NREP: variants seen among roughly 807,000 people sequenced by gnomAD.
The protein encoded by NREP is neuronal regeneration-related protein.
In NREP, 5 loss-of-function variants were observed where a neutral mutation model predicts 8.6. The ratio of observed to expected loss-of-function variants is 0.58; its 90% CI spans 0.30 to 1.22. NREP has a LOEUF of 1.22. Ranked by LOEUF, NREP falls within the 50% of genes most tolerant of loss-of-function variation. The pLI, the probability that NREP is intolerant of heterozygous loss-of-function variation, is 0.07. For missense variants in NREP, 86 were observed against 82.5 expected (o/e 1.04, Z -0.17); for synonymous variants, 27 against 28.0 (o/e 0.96, Z 0.11).
intron 2 of NREP, among the ~76,000 whole-genome samples, chr5:111,881,150 A>T (rs184980171): frequency 6.6e-6 from 1 of 152,376 alleles, no homozygotes; most frequent in Admixed American, 6.5e-5. Context: ...GACAGGCTTA[A>T]AAAACGGCGC....
chr5:111,896,939 A>G (rs888433244), intron 2 of NREP, among the ~76,000 whole-genome samples: 5 of 152,264 alleles, frequency 3.3e-5, no homozygotes, highest in Non-Finnish European at 5.9e-5. Flanking sequence ...ATTAAATACC[A>G]TATATTCTCT....
intron 2 of NREP, among the ~76,000 whole-genome samples, chr5:111,931,959 C>T (rs1031453402): frequency 2.0e-5 from 3 of 151,898 alleles, no homozygotes; most frequent in African/African-American, 7.2e-5. Context: ...ATGATTAAAC[C>T]AATTGCATCT....
intron 2 of NREP, among the ~76,000 whole-genome samples, chr5:111,819,211 C>G (rs1318377303): frequency 6.6e-6 from 1 of 152,162 alleles, no homozygotes; most frequent in East Asian, 1.9e-4. Context: ...GTCACCTGCT[C>G]TGACCTGAAT....
chr5:111,956,385 T>C (rs1037399813), intron 2 of NREP, among the ~76,000 whole-genome samples: 3 of 151,070 alleles, frequency 2.0e-5, no homozygotes, highest in African/African-American at 7.3e-5. Flanking sequence ...ACCGACAGAG[T>C]TGTGAAATAG....
chr5:111,832,384 A>G (rs1377450180), intron 2 of NREP, among the ~76,000 whole-genome samples: 1 of 151,980 alleles, frequency 6.6e-6, no homozygotes, highest in African/African-American at 2.4e-5. Flanking sequence ...ACAACAAAAC[A>G]TTAGCTGGGG....
intron 2 of NREP, among the ~76,000 whole-genome samples, chr5:111,763,671 A>G (rs747378342): frequency 7.2e-5 from 11 of 152,272 alleles, no homozygotes; most frequent in Non-Finnish European, 8.8e-5. Flanking sequence ...GCATCATGGT[A>G]CAAAACTGTA....
intron 2 of NREP, among the ~76,000 whole-genome samples, chr5:111,892,400 A>G (rs1754415239): frequency 6.6e-6 from 1 of 152,242 alleles, no homozygotes; most frequent in South Asian, 2.1e-4. Context: ...GAAAAGCCCT[A>G]TCTCAGAATG....
rs1468955599 is a variant in NREP at position 111,836,105 on chromosome 5, G to A, written c.136-100598C>T. Among the ~76,000 whole-genome samples, 4 of 152,202 alleles carry A rather than the reference G, an allele frequency of 2.6e-5. No homozygotes were observed. The East Asian group carries it at 7.7e-4, about 29-fold the overall frequency. On this transcript the variant is annotated intron_variant, in intron 2 of 3. Transcript: ENST00000395634. ...TCATTCATTCAAAAATATTTACTAA[G>A]CACAGGAATGTAATGATGAACTAGA... is the stretch of plus-strand genomic sequence containing the variant.
intron 2 of NREP, among the ~76,000 whole-genome samples, chr5:111,816,299 A>G (rs1287283346): frequency 6.6e-6 from 1 of 152,202 alleles, no homozygotes; most frequent in Non-Finnish European, 1.5e-5. Flanking sequence ...TCCTACATAG[A>G]GGCACAATAT....
intron 2 of NREP, among the ~76,000 whole-genome samples, chr5:111,943,362 T>C (rs1755885747): frequency 2.0e-5 from 3 of 152,086 alleles, no homozygotes; most frequent in Non-Finnish European, 1.5e-5. Flanking sequence ...TCTTAAATGC[T>C]GGGCTTCCTT....
At chr5:111,767,691 A>G (rs1421480076) in intron 2 of NREP, among the ~76,000 whole-genome samples, 13 of 152,058 alleles carry the variant, frequency 8.5e-5, no homozygotes, top group Admixed American at 8.5e-4. Context: ...TTTGAGACAG[A>G]GTCTTTCTCT....
chr5:111,961,756 A>T (rs1356178105), intron 2 of NREP, among the ~76,000 whole-genome samples: 1 of 152,200 alleles, frequency 6.6e-6, no homozygotes, highest in East Asian at 1.9e-4. Context: ...GGTTTTATGA[A>T]CTAGAGCTCC....
At chr5:111,899,616 T>C (rs183827528) in intron 2 of NREP, among the ~76,000 whole-genome samples, 32 of 152,276 alleles carry the variant, frequency 2.1e-4, no homozygotes, top group Admixed American at 3.3e-4. Context: ...CATATGTAAA[T>C]GGTTTAAATT....
intron 2 of NREP, among the ~76,000 whole-genome samples, chr5:111,913,913 T>G (rs622972): frequency 0.63 from 95,725 of 151,908 alleles, 30,719 homozygotes; most frequent in African/African-American, 0.68. Flanking sequence ...AACTACAGAT[T>G]TACTTTAAAA....
intron 3 of NREP, chr5:111,734,519 G>C (rs1748922434): frequency 2.3e-6 from 1 of 431,728 alleles, no homozygotes; most frequent in East Asian, 3.5e-5. Context: ...AGTGATTTAA[G>C]ATTGTTTTCT....
intron 2 of NREP, among the ~76,000 whole-genome samples, chr5:111,895,295 AG>A (rs1754481707): frequency 6.6e-6 from 1 of 152,198 alleles, no homozygotes. Context: ...GGAACGGGGA[AG>A]GGACAGACAA....
upstream of NREP, among the ~76,000 whole-genome samples, chr5:111,761,296 TG>T: frequency 6.6e-6 from 1 of 152,328 alleles, no homozygotes; most frequent in East Asian, 1.9e-4. Flanking sequence ...TTGTCCTCTC[TG>T]GTCAGATTGA....
chr5:111,765,813 C>G (rs2112867686), intron 2 of NREP, among the ~76,000 whole-genome samples: 1 of 152,164 alleles, frequency 6.6e-6, no homozygotes, highest in South Asian at 2.1e-4. Flanking sequence ...TTTTTGCTGA[C>G]TCATCTTCAT....
In NREP at chr5:111,833,152, C is replaced by G. The variant is rs1752814356; in HGVS notation, c.136-97645G>C. On this transcript the variant is annotated intron_variant, in intron 2 of 3. Transcript: ENST00000395634. ...GACCTGAAAATGTTTAAAGAAAAAC[C>G]ACCTATACATCACGTAGCCCTCAGA... Among the ~76,000 whole-genome samples, 4 of 152,210 alleles carry G rather than the reference C, an allele frequency of 2.6e-5. No individual in the cohort carries two copies. The South Asian group carries it at 8.3e-4, about 32-fold the overall frequency.
Sources: gnomAD v4.1 joint callset for allele counts (sites outside exome capture counted in the v4.1 genomes callset) on GRCh38, gnomAD v4.1.1 for gene constraint, MANE v1.5 for transcripts, NCBI Gene and HGNC (gene_info 2026-07-23, HGNC 2026-07-21) for gene names.